TENM3: variants seen among roughly 807,000 people sequenced by gnomAD.
TENM3 encodes the protein teneurin-3.
TENM3 carries 63 observed loss-of-function variants against 255.1 expected under a neutral mutation model. The ratio of observed to expected loss-of-function variants is 0.25; its 90% CI spans 0.20 to 0.30. TENM3 has a LOEUF of 0.30. Ranked by LOEUF, TENM3 falls within the 10% of genes least tolerant of loss-of-function variation. TENM3 has a pLI of 1.00. For missense variants in TENM3, 2,929 were observed against 3,461.1 expected, an observed-to-expected ratio of 0.85 and a Z score of 3.86; for synonymous variants, 1,306 against 1,322.3, an observed-to-expected ratio of 0.99 and a Z score of 0.27.
At chr4:182,309,710 C>G (rs1762329670) in intron 1 of TENM3, among the ~76,000 whole-genome samples, 1 of 152,248 alleles carries the variant, frequency 6.6e-6, no homozygotes, top group South Asian at 2.1e-4. Flanking sequence ...AGCAAAATAG[C>G]AATTTCGTAA....
the TENM3 span, among the ~76,000 whole-genome samples, chr4:181,934,854 A>G: frequency 6.6e-6 from 1 of 152,284 alleles, no homozygotes; most frequent in East Asian, 1.9e-4. Flanking sequence ...CAGAAGGAAA[A>G]CTGACATGAG....
rs984808059 is a variant in TENM3, at chr4:182,644,940, T to TC, written c.989-8830dup. On this transcript the variant is annotated intron_variant, in intron 5 of 27. Transcript: ENST00000511685. ...AGTTGATATTACTATAATTTTTTTT[T>TC]CTCATTGACTTGGGTGATAGTATAA... Among the ~76,000 whole-genome samples, 6 of 152,176 alleles carry TC rather than the reference T, an allele frequency of 3.9e-5. No homozygotes were observed. In the East Asian group the frequency reaches 7.8e-4, roughly 20 times the overall value.
the TENM3 span, among the ~76,000 whole-genome samples, chr4:181,695,805 A>G: frequency 6.6e-6 from 1 of 152,302 alleles, no homozygotes; most frequent in Non-Finnish European, 1.5e-5. Flanking sequence ...GAAACCGCTG[A>G]TCTACCATGT....
At chr4:181,765,696 C>T in the TENM3 span, among the ~76,000 whole-genome samples, 8 of 152,198 alleles carry the variant, frequency 5.3e-5, no homozygotes, top group Admixed American at 4.6e-4. Context: ...AATAATGAGG[C>T]ACAATAAACA....
chr4:182,249,785 G>A (rs934481930), intron 1 of TENM3, among the ~76,000 whole-genome samples: 4 of 152,022 alleles, frequency 2.6e-5, no homozygotes, highest in Non-Finnish European at 5.9e-5. Flanking sequence ...TTTTTTTAGA[G>A]ACTAGGTTTT....
chr4:181,641,806 A>G, the TENM3 span, among the ~76,000 whole-genome samples: 517 of 7,072 alleles, frequency 0.073, 4 homozygotes, highest in Non-Finnish European at 0.095. Context: ...CACACACACC[A>G]TATATATATA....
intron 1 of TENM3, among the ~76,000 whole-genome samples, chr4:182,253,061 T>G (rs1561246119): frequency 6.6e-6 from 1 of 152,244 alleles, no homozygotes; most frequent in Non-Finnish European, 1.5e-5. Context: ...TTTATTTGTT[T>G]GTTTTAAACA....
chr4:181,560,753 C>T, the TENM3 span, among the ~76,000 whole-genome samples: 1 of 152,116 alleles, frequency 6.6e-6, no homozygotes, highest in African/African-American at 2.4e-5. Context: ...AGTGAAGTTC[C>T]CCCAGCCAGG....
chr4:182,622,934 C>T (rs1239489015), intron 4 of TENM3, among the ~76,000 whole-genome samples: 1 of 151,920 alleles, frequency 6.6e-6, no homozygotes, highest in African/African-American at 2.4e-5. Flanking sequence ...CATAGTCCAT[C>T]AGTATAGTAC....
chr4:182,144,733 C>A (rs1019841045), exon 1 of TENM3: 10 of 145,578 alleles, frequency 6.9e-5, no homozygotes, highest in South Asian at 4.2e-4. Flanking sequence ...AGCGAGCCGG[C>A]GGCGCGGGCG....
intron 1 of TENM3, among the ~76,000 whole-genome samples, chr4:182,303,530 G>A (rs1761961958): frequency 6.6e-6 from 1 of 152,144 alleles, no homozygotes; most frequent in South Asian, 2.1e-4. Flanking sequence ...GTGTATACCT[G>A]CCCTGATAGT....
the TENM3 span, among the ~76,000 whole-genome samples, chr4:181,492,435 A>G: frequency 6.6e-6 from 1 of 152,212 alleles, no homozygotes; most frequent in Admixed American, 6.5e-5. Flanking sequence ...AATGAAATAT[A>G]TTAATTATTT....
At chr4:182,585,816 A>C (rs1188585256) in intron 3 of TENM3, among the ~76,000 whole-genome samples, 1 of 152,064 alleles carries the variant, frequency 6.6e-6, no homozygotes, top group African/African-American at 2.4e-5. Context: ...ATGAAATGAA[A>C]GCTCATAAGA....
chr4:182,113,651 A>G, the TENM3 span, among the ~76,000 whole-genome samples: 1 of 152,188 alleles, frequency 6.6e-6, no homozygotes, highest in Non-Finnish European at 1.5e-5. Flanking sequence ...TCAAACACCA[A>G]ATAAGTATTA....
chr4:181,605,568 A>AAGAGAG, the TENM3 span, among the ~76,000 whole-genome samples: 15 of 42,202 alleles, frequency 3.6e-4, 1 homozygote, highest in East Asian at 3.2e-3. Context: ...GAAAGAAAGA[A>AAGAGAG]AGAGAGAGAA....
intron 13 of TENM3, among the ~76,000 whole-genome samples, chr4:182,726,816 C>T (rs1393818112): frequency 6.6e-6 from 1 of 152,136 alleles, no homozygotes. Flanking sequence ...GCCTTTTAGA[C>T]TGGGCAATTT....
intron 3 of TENM3, among the ~76,000 whole-genome samples, chr4:182,350,706 A>T (rs932218469): frequency 2.6e-5 from 4 of 152,060 alleles, no homozygotes; most frequent in Admixed American, 2.6e-4. Flanking sequence ...TTGTTTTTTG[A>T]GACAGTCTTG....
At chr4:181,738,419 C>T in the TENM3 span, among the ~76,000 whole-genome samples, 7 of 152,096 alleles carry the variant, frequency 4.6e-5, no homozygotes, top group African/African-American at 1.7e-4. Flanking sequence ...TGTTAGCAAC[C>T]CCCTTACTCT....
intron 3 of TENM3, among the ~76,000 whole-genome samples, chr4:182,563,060 A>G (rs529202904): frequency 6.6e-6 from 1 of 152,272 alleles, no homozygotes; most frequent in Admixed American, 6.5e-5. Flanking sequence ...AGTGGTGGTG[A>G]TGGTAGGAAA....
Sources: gnomAD v4.1 joint callset for allele counts (sites outside exome capture counted in the v4.1 genomes callset) on GRCh38, gnomAD v4.1.1 for gene constraint, MANE v1.5 for transcripts, NCBI Gene and HGNC (gene_info 2026-07-23, HGNC 2026-07-21) for gene names.